The following RHOBTB2 variants were observed in gnomAD, a reference collection of about 807,000 sequenced individuals.
The protein encoded by RHOBTB2 is Rho related BTB domain containing 2.
A neutral mutation model predicts 66.5 loss-of-function variants in RHOBTB2; 39 were observed. That is an observed-to-expected ratio of 0.59 (90% CI 0.45 to 0.77). The LOEUF (loss-of-function observed/expected upper bound fraction) is 0.77. Ranked by LOEUF, RHOBTB2 falls within the 30% of genes least tolerant of loss-of-function variation. RHOBTB2 has a pLI of 0.00. For missense variants in RHOBTB2, 755 were observed against 999.1 expected, an observed-to-expected ratio of 0.76 and a Z score of 3.29; for synonymous variants, 390 against 395.0, an observed-to-expected ratio of 0.99 and a Z score of 0.15.
intron 1 of RHOBTB2, among the ~76,000 whole-genome samples, chr8:22,990,011 T>C (rs951809227): frequency 6.6e-5 from 10 of 152,056 alleles, no homozygotes; most frequent in African/African-American, 2.4e-4. Context: ...TTAAATGAGG[T>C]AGTACATGCA....
the RHOBTB2 span, among the ~76,000 whole-genome samples, chr8:22,963,615 CA>C: frequency 5.3e-5 from 8 of 151,872 alleles, no homozygotes; most frequent in East Asian, 1.9e-4. Context: ...GAGCAATTTA[CA>C]AAAGAAAGAG....
intron 1 of RHOBTB2, among the ~76,000 whole-genome samples, chr8:23,000,746 C>T (rs989935961): frequency 6.6e-6 from 1 of 152,204 alleles, no homozygotes; most frequent in Admixed American, 6.5e-5. Flanking sequence ...AGTCCACTCT[C>T]TCTTTGTTCT....
At chr8:22,984,135 C>T (rs977487909), upstream of RHOBTB2, among the ~76,000 whole-genome samples, 9 of 151,998 alleles carry the variant, frequency 5.9e-5, no homozygotes, top group African/African-American at 2.2e-4. Flanking sequence ...CAAAAAAAAA[C>T]AGTACAAAAA....
intron 1 of RHOBTB2, among the ~76,000 whole-genome samples, chr8:22,989,125 C>T (rs771746919): frequency 1.3e-5 from 2 of 152,164 alleles, no homozygotes; most frequent in Admixed American, 6.5e-5. Context: ...TTAAAAGTCA[C>T]GTGCCTTGAA....
the RHOBTB2 span, among the ~76,000 whole-genome samples, chr8:22,962,457 A>G: frequency 1.3e-5 from 2 of 152,206 alleles, no homozygotes; most frequent in African/African-American, 4.8e-5. Flanking sequence ...CTTTGAGGAT[A>G]TGGCAGTTCC....
Position 23,007,062 on chromosome 8 carries a change from C to G in RHOBTB2, c.817C>G (p.Gln273Glu), listed in dbSNP as rs1319845286. 1 of 1,610,432 alleles carries G rather than the reference C, an allele frequency of 6.2e-7. No individual in the cohort carries two copies. The highest frequency in any genetic ancestry group is 1.1e-5 in the South Asian group (1 of 90,800). Residue 273 changes from glutamine to glutamate, a missense_variant, in exon 5 of 10, where the codon CAG becomes GAG. Gln to Glu is a conservative substitution (Grantham distance 29). Coordinates refer to ENST00000251822, the MANE Select transcript of RHOBTB2 (RefSeq NM_015178.3). ...CTGCGCGGACGTCATCCTGGTGCTG[C>G]AGGAGCGGGTGCGCATCTTTGCCCA... ...PLCADVILVLQERVRIFAHKI... is the reference protein window; with the variant it reads ...PLCADVILVLEERVRIFAHKI...
Position 23,008,130 on chromosome 8 carries a change from A to AG in RHOBTB2, c.1620+25dup, listed in dbSNP as rs781218251. The AG allele has an allele frequency of 3.9e-6, 6 of 1,538,852 alleles. No individual in the cohort carries two copies. In the East Asian group the frequency reaches 9.0e-5, roughly 23 times the overall value. ...CCGGGAGGTAAGGCTGAGGACACAA[A>AG]GGGGGGAAGGAGGGAGTGAGACATT... On this transcript the variant is annotated intron_variant, in intron 6 of 9. Transcript: ENST00000251822.
chr8:23,015,887 G>A (rs1811277055), intron 9 of RHOBTB2, 144 bp downstream of exon 9: 1 of 640,334 alleles, frequency 1.6e-6, no homozygotes, highest in Non-Finnish European at 2.7e-6. Flanking sequence ...CTCCAGCCAA[G>A]CCAAGGGGCC....
the RHOBTB2 span, among the ~76,000 whole-genome samples, chr8:22,973,337 TC>T: frequency 6.6e-6 from 1 of 152,080 alleles, no homozygotes; most frequent in Admixed American, 6.6e-5. Context: ...CAAGCAATCC[TC>T]CCCTCTCGGC....
the RHOBTB2 span, chr8:22,978,237 T>G: frequency 6.6e-6 from 1 of 152,118 alleles, no homozygotes; most frequent in African/African-American, 2.4e-5. Flanking sequence ...TTTTGAAAAG[T>G]TATGGCCCAA....
intron 1 of RHOBTB2, among the ~76,000 whole-genome samples, chr8:23,001,359 C>T (rs961362594): frequency 3.3e-5 from 5 of 150,508 alleles, no homozygotes; most frequent in Non-Finnish European, 7.4e-5. Flanking sequence ...GCTGTATCAC[C>T]ATATATCAGC....
the RHOBTB2 span, among the ~76,000 whole-genome samples, chr8:22,953,245 G>C: frequency 2.1e-3 from 314 of 152,268 alleles, no homozygotes; most frequent in African/African-American, 7.3e-3. Flanking sequence ...CCCATGGTGC[G>C]CATGCTTGAG....
chr8:22,980,636 A>C, the RHOBTB2 span, among the ~76,000 whole-genome samples: 1 of 152,230 alleles, frequency 6.6e-6, no homozygotes, highest in African/African-American at 2.4e-5. Flanking sequence ...GAAAAACAGA[A>C]GGGCCAGTTC....
At chr8:23,003,691 G>A (rs756008737) in intron 1 of RHOBTB2, among the ~76,000 whole-genome samples, 1 of 152,230 alleles carries the variant, frequency 6.6e-6, no homozygotes, top group South Asian at 2.1e-4. Flanking sequence ...AGCTGGACCT[G>A]TAGCTGAGCA....
upstream of RHOBTB2, among the ~76,000 whole-genome samples, chr8:22,986,626 C>T (rs888230102): frequency 6.6e-6 from 1 of 152,010 alleles, no homozygotes; most frequent in African/African-American, 2.4e-5. Flanking sequence ...AGGGCCAACC[C>T]GTCAAAACAT....
At chr8:22,999,088 A>C (rs1368324332), upstream of RHOBTB2, 11 of 152,368 alleles carry the variant, frequency 7.2e-5, no homozygotes, top group African/African-American at 1.2e-4. Flanking sequence ...AGTGCCACGA[A>C]AATTCCCAAA....
rs941514559 is a variant in RHOBTB2 at position 23,019,070 on chromosome 8, G to A, written c.*1601G>A. The A allele has an allele frequency of 6.6e-6, 1 of 152,390 alleles. No individual in the cohort carries two copies. The highest frequency in any genetic ancestry group is 1.5e-5 in the Non-Finnish European group (1 of 68,150). 9.4% of individuals were successfully genotyped at this position (152,390 alleles called of 1,614,324 possible). A position where few individuals can be genotyped will look rare whatever the true frequency, so the allele number is the denominator to read the frequency against. The stretch of plus-strand genomic sequence containing the variant: ...GTGTAAAAGATGGAGTCCCACGGAG[G>A]AGGGGCAGAGCCAGGAGGCAGTGGG... On this transcript the variant is annotated 3_prime_UTR_variant, in exon 10 of 10. Coordinates refer to ENST00000251822, the MANE Select transcript of RHOBTB2 (RefSeq NM_015178.3).
Position 23,017,423 on chromosome 8 carries a change from C to T in RHOBTB2, c.2138C>T (p.Ser713Leu), listed in dbSNP as rs184943412. 9.3e-6 allele frequency: 15 copies of T among 1,610,470 alleles called. No individual in the cohort carries two copies. The highest frequency in any genetic ancestry group is 6.7e-5 in the Admixed American group (4 of 59,382). ...AACAGTCCATCCTCCCCGTCTTCCT[C>T]GGCAGCCTCCTCCTCATCCCCATCT... ...FWNSPSSPSS[S>L]AASSSSPSSS... Residue 713 changes from serine (S) to leucine (L), a missense_variant, in exon 10 of 10, where the codon TCG becomes TTG. By Grantham distance (145) the Ser-to-Leu change is moderately radical. Transcript: ENST00000251822. The surrounding 1 kb of genome is among the most constrained non-coding windows in gnomAD (Gnocchi z 5.3).
chr8:22,963,923 A>G, the RHOBTB2 span, among the ~76,000 whole-genome samples: 62,198 of 151,800 alleles, frequency 0.41, 14,069 homozygotes, highest in East Asian at 0.59. Flanking sequence ...CTGGGATTAC[A>G]GGCATGCGCC....
Sources: gnomAD v4.1 joint callset for allele counts (sites outside exome capture counted in the v4.1 genomes callset) on GRCh38, gnomAD v4.1.1 for gene constraint, Gnocchi (gnomAD v3.1) non-coding constraint, MANE v1.5 for transcripts, NCBI Gene and HGNC (gene_info 2026-07-23, HGNC 2026-07-21) for gene names.